The following CNTN5 variants were observed in gnomAD, a reference collection of about 807,000 sequenced individuals.
The protein encoded by CNTN5 is contactin 5.
In CNTN5, 77 loss-of-function variants were observed where a neutral mutation model predicts 129.1. That is an observed-to-expected ratio of 0.60 (90% CI 0.50 to 0.72). The LOEUF is 0.72. Ranked by LOEUF, CNTN5 falls within the 30% of genes least tolerant of loss-of-function variation. The pLI, the probability that CNTN5 is intolerant of heterozygous loss-of-function variation, is 0.00. For missense variants in CNTN5, 1,478 were observed against 1,328.8 expected, an observed-to-expected ratio of 1.11 and a Z score of -1.75; for synonymous variants, 509 against 465.6, an observed-to-expected ratio of 1.09 and a Z score of -1.20.
intron 13 of CNTN5, among the ~76,000 whole-genome samples, chr11:100,132,337 A>G (rs1367609292): frequency 3.9e-5 from 6 of 152,136 alleles, no homozygotes; most frequent in Non-Finnish European, 7.4e-5. Context: ...TAATGGATGT[A>G]ATGCATCTCA....
chr11:99,543,667 C>T (rs1374512568), intron 2 of CNTN5, among the ~76,000 whole-genome samples: 1 of 151,992 alleles, frequency 6.6e-6, no homozygotes, highest in Non-Finnish European at 1.5e-5. Context: ...CCTGTAATCC[C>T]AGCACTTTGG....
At chr11:99,749,547 T>G (rs944817643) in intron 3 of CNTN5, among the ~76,000 whole-genome samples, 1 of 152,204 alleles carries the variant, frequency 6.6e-6, no homozygotes. Flanking sequence ...ACCTGACACC[T>G]CAGTGGCCCA....
chr11:99,810,815 T>G (rs1946406523), intron 3 of CNTN5, among the ~76,000 whole-genome samples: 1 of 152,108 alleles, frequency 6.6e-6, no homozygotes, highest in Admixed American at 6.6e-5. Context: ...GGTATCAGAT[T>G]TCTTTATGCT....
intron 1 of CNTN5, among the ~76,000 whole-genome samples, chr11:99,022,721 A>G (rs544162164): frequency 6.3e-4 from 96 of 152,298 alleles, no homozygotes; most frequent in Non-Finnish European, 1.0e-3. Context: ...ATAAAAAGGG[A>G]AATTCAATAT....
At chr11:99,330,664 C>T (rs142533375) in intron 2 of CNTN5, among the ~76,000 whole-genome samples, 341 of 152,060 alleles carry the variant, frequency 2.2e-3, no homozygotes, top group African/African-American at 7.9e-3. Flanking sequence ...GCCACAGTGG[C>T]CTCAGATGCA....
intron 13 of CNTN5, among the ~76,000 whole-genome samples, chr11:100,181,955 G>A (rs1303403037): frequency 6.6e-6 from 1 of 151,910 alleles, no homozygotes; most frequent in African/African-American, 2.4e-5. Context: ...AAACTGACAA[G>A]CTAATTCTTA....
At chr11:99,382,845 CTTTTTTTTTTTTTTTT>C (rs1163660333) in intron 2 of CNTN5, among the ~76,000 whole-genome samples, 2 of 77,032 alleles carry the variant, frequency 2.6e-5, no homozygotes, top group Non-Finnish European at 4.3e-5. Context: ...CTCTAAATAA[CTTTTTTTTTTTTTTTT>C]TTTTTTTTTT....
At chr11:100,296,842 A>G (rs1282717188) in intron 18 of CNTN5, among the ~76,000 whole-genome samples, 1 of 151,564 alleles carries the variant, frequency 6.6e-6, no homozygotes, top group Non-Finnish European at 1.5e-5. Flanking sequence ...TTTAAAAATG[A>G]TATGCCGGAA....
At chr11:100,260,259 C>T (rs182628913) in intron 17 of CNTN5, among the ~76,000 whole-genome samples, 111 of 152,124 alleles carry the variant, frequency 7.3e-4, no homozygotes, top group African/African-American at 1.9e-3. Flanking sequence ...AATTTGAATC[C>T]CTGAATAAAC....
rs978138819 is a variant in CNTN5, at chr11:100,222,576, T to A, written c.1885-2116T>A. On this transcript the variant is annotated intron_variant, in intron 15 of 24. Coordinates refer to ENST00000524871, the MANE Select transcript of CNTN5 (RefSeq NM_014361.4). ...ATGACATTTTTCAAAAATGTGAGCCTGAAAAATCACTTATAATCAGTACTT... is the reference window on the plus strand; with the variant it reads ...ATGACATTTTTCAAAAATGTGAGCCAGAAAAATCACTTATAATCAGTACTT... Among the ~76,000 whole-genome samples the A allele has an allele frequency of 5.7e-4, 87 of 152,022 alleles. 1 individual carries two copies. The highest frequency in any genetic ancestry group is 3.1e-4 in the Non-Finnish European group (21 of 67,964).
intron 15 of CNTN5, among the ~76,000 whole-genome samples, chr11:100,218,185 C>T (rs1410286223): frequency 6.6e-6 from 1 of 152,116 alleles, no homozygotes; most frequent in African/African-American, 2.4e-5. Flanking sequence ...TATACCAACG[C>T]CTGGATAGCC....
At chr11:100,216,814 T>A (rs553246615) in intron 15 of CNTN5, among the ~76,000 whole-genome samples, 2 of 152,174 alleles carry the variant, frequency 1.3e-5, no homozygotes, top group Non-Finnish European at 2.9e-5. Context: ...CATTTTATAT[T>A]ACTACACTTG....
chr11:99,841,835 TACAC>T (rs538374545), intron 4 of CNTN5, among the ~76,000 whole-genome samples: 75 of 144,228 alleles, frequency 5.2e-4, no homozygotes, highest in South Asian at 3.2e-3. Context: ...TATATATATA[TACAC>T]ACACACACAC....
intron 8 of CNTN5, among the ~76,000 whole-genome samples, chr11:99,972,077 ATC>A (rs1049249273): frequency 2.6e-5 from 3 of 113,398 alleles, no homozygotes; most frequent in African/African-American, 1.1e-4. Context: ...GTGAAAACTT[ATC>A]TCTATTAAAA....
At chr11:99,158,634 T>C (rs1860450737) in intron 1 of CNTN5, among the ~76,000 whole-genome samples, 1 of 152,280 alleles carries the variant, frequency 6.6e-6, no homozygotes, top group East Asian at 1.9e-4. Flanking sequence ...AACATTGTTC[T>C]AATGAACACA....
chr11:100,060,742 C>T (rs141718509), intron 9 of CNTN5, among the ~76,000 whole-genome samples: 9 of 150,090 alleles, frequency 6.0e-5, no homozygotes, highest in African/African-American at 2.2e-4. Flanking sequence ...CGGTTTCAAG[C>T]GATTCTCCTG....
chr11:99,720,221 A>G (rs988472963), intron 3 of CNTN5, among the ~76,000 whole-genome samples: 2 of 152,130 alleles, frequency 1.3e-5, no homozygotes, highest in Non-Finnish European at 2.9e-5. Context: ...CATAGCAACA[A>G]CAACAAAGAA....
At chr11:99,305,064 C>T (rs1864815298) in intron 1 of CNTN5, among the ~76,000 whole-genome samples, 1 of 152,136 alleles carries the variant, frequency 6.6e-6, no homozygotes, top group African/African-American at 2.4e-5. Context: ...AGAACAATGT[C>T]AAAGTGGTTG....
intron 2 of CNTN5, among the ~76,000 whole-genome samples, chr11:99,384,698 A>T (rs959382735): frequency 1.3e-5 from 2 of 152,202 alleles, no homozygotes; most frequent in Non-Finnish European, 2.9e-5. Context: ...AAGAAACCTG[A>T]TTAAACTTTA....
Sources: gnomAD v4.1 joint callset for allele counts (sites outside exome capture counted in the v4.1 genomes callset) on GRCh38, gnomAD v4.1.1 for gene constraint, MANE v1.5 for transcripts, NCBI Gene and HGNC (gene_info 2026-07-23, HGNC 2026-07-21) for gene names.